Variants in RELB observed in about 807,000 individuals in gnomAD.
The protein encoded by RELB is transcription factor RelB.
RELB carries 14 observed loss-of-function variants against 55.4 expected under a neutral mutation model. That is an observed-to-expected ratio of 0.25 (90% CI 0.17 to 0.40). The LOEUF is 0.40. Among genes scored for constraint, RELB ranks in the 10% least tolerant of loss-of-function variants. The pLI is 1.00. For missense variants in RELB, 669 were observed against 830.7 expected (o/e 0.81, Z 2.39); for synonymous variants, 409 against 371.3 (o/e 1.10, Z -1.17).
intron 4 of RELB, among the ~76,000 whole-genome samples, chr19:45,021,523 GC>G (rs966674940): frequency 1.4e-5 from 2 of 147,334 alleles, no homozygotes. Flanking sequence ...ATTATATGAG[GC>G]CCCCCAGTTC....
intron 8 of RELB, among the ~76,000 whole-genome samples, chr19:45,032,009 G>A (rs1017012780): frequency 4.0e-5 from 6 of 151,634 alleles, no homozygotes; most frequent in South Asian, 2.1e-4. Context: ...AGGCCAAGGC[G>A]GGCAGATCAC....
chr19:45,005,204 C>T (rs1660109788), intron 2 of RELB, among the ~76,000 whole-genome samples: 1 of 151,960 alleles, frequency 6.6e-6, no homozygotes, highest in African/African-American at 2.4e-5. Context: ...TGTCAGGCCC[C>T]ACCTCTCGAG....
chr19:45,029,045 G>A (rs1971590985), intron 8 of RELB, 53 bp downstream of exon 8: 2 of 1,216,324 alleles, frequency 1.6e-6, no homozygotes, highest in Non-Finnish European at 2.4e-6. Flanking sequence ...GCAACTTGGA[G>A]GGGTAGCCAG....
chr19:45,009,126 G>T (rs966331694), intron 2 of RELB, among the ~76,000 whole-genome samples: 16 of 152,182 alleles, frequency 1.1e-4, no homozygotes, highest in South Asian at 2.1e-4. Context: ...TGTTGTCCAG[G>T]CTGGAGTGCA....
intron 5 of RELB, among the ~76,000 whole-genome samples, chr19:45,023,740 CTTTTTTTTTTTT>C (rs1168078618): frequency 1.0e-4 from 4 of 38,364 alleles, no homozygotes; most frequent in South Asian, 1.6e-3. Flanking sequence ...TGCCCAGCCT[CTTTTTTTTTTTT>C]TTTTTTTTTT....
intron 3 of RELB, 39 bp from the exon 4 acceptor site, chr19:45,011,897 A>G: frequency 3.1e-6 from 4 of 1,304,506 alleles, no homozygotes; most frequent in Middle Eastern, 2.7e-4. Flanking sequence ...TAATTTTTTA[A>G]AGAATGGGCG....
chr19:45,012,475 G>A (rs1835542987), intron 4 of RELB, among the ~76,000 whole-genome samples, 199 bp downstream of exon 4: 1 of 152,224 alleles, frequency 6.6e-6, no homozygotes, highest in African/African-American at 2.4e-5. Flanking sequence ...TGGGCACGGT[G>A]ACTCGCGCCT....
rs1238811297 is a variant in RELB at position 45,009,736 on chromosome 19, A to G, written c.155-78A>G. 3 of 1,520,902 alleles carry G rather than the reference A, an allele frequency of 2.0e-6. No individual in the cohort carries two copies. In the African/African-American group the frequency reaches 4.1e-5, roughly 21 times the overall value. 94.2% of individuals were successfully genotyped at this position (1,520,902 alleles called of 1,614,324 possible). ...GGTCACAGGAGGGACAGGGTTGGGGAATCTGTCTTAAAAGATGAAAAGTTG... is the reference window on the plus strand; with the variant it reads ...GGTCACAGGAGGGACAGGGTTGGGGGATCTGTCTTAAAAGATGAAAAGTTG... On this transcript the variant is annotated intron_variant, in intron 2 of 11. Coordinates refer to ENST00000221452, the MANE Select transcript of RELB (RefSeq NM_006509.4).
At position 45,037,854 on chromosome 19, in the gene RELB, C is replaced by T; in HGVS notation, c.*64C>T. 7.0e-7 allele frequency: 1 copy of T among 1,423,004 alleles called. No individual in the cohort carries two copies. The highest frequency in any genetic ancestry group is 9.2e-7 in the Non-Finnish European group (1 of 1,082,192). The allele number at this position is 1,423,004 out of a possible 1,614,324, so 88.1% of individuals were successfully genotyped here. On this transcript the variant is annotated 3_prime_UTR_variant, in exon 12 of 12. Transcript: ENST00000221452. ...AGGTGGAGGAGCCGTGCAATCCCAA[C>T]CAGGATGTCTAGCACCCCCATCCCC...
rs370272070 is a variant in RELB, at chr19:45,025,889, A to G, written c.886+152A>G. Among the ~76,000 whole-genome samples, 11 of 152,262 alleles carry G rather than the reference A, an allele frequency of 7.2e-5. No homozygotes were observed. The East Asian group carries it at 2.1e-3, about 29-fold the overall frequency. On this transcript the variant is annotated intron_variant, in intron 7 of 11. Transcript: ENST00000221452. The stretch of plus-strand genomic sequence containing the variant: ...CGAGGTGGGAGGATTGCTTGAGCCC[A>G]GGAGTTCAAGACCAGCCTGGGCAAC...
In RELB at chr19:45,025,747, G is replaced by C. The variant is rs1217531838; in HGVS notation, c.886+10G>C. 1 of 1,613,892 alleles carries C rather than the reference G, an allele frequency of 6.2e-7. No homozygotes were observed. Among genetic ancestry groups the C allele is most frequent in the Non-Finnish European group, 8.5e-7 (1 of 1,179,826 alleles). The stretch of plus-strand genomic sequence containing the variant: ...CCCGTCTATGACAAGAGTGAGTTGA[G>C]AGTGCTGTGGCCGTTAGGATTGCCC... On this transcript the variant is annotated intron_variant, in intron 7 of 11. Coordinates refer to ENST00000221452, the MANE Select transcript of RELB (RefSeq NM_006509.4).
chr19:45,024,597 T>C (rs1971535122), intron 5 of RELB, among the ~76,000 whole-genome samples: 1 of 152,134 alleles, frequency 6.6e-6, no homozygotes, highest in African/African-American at 2.4e-5. Flanking sequence ...GTCGCCAGGC[T>C]GAAGTGCAGT....
At chr19:45,017,354 C>T (rs996961226) in intron 4 of RELB, among the ~76,000 whole-genome samples, 4 of 147,044 alleles carry the variant, frequency 2.7e-5, no homozygotes, top group Non-Finnish European at 3.0e-5. Flanking sequence ...CTGGGGAGGC[C>T]GAGGTGGGCG....
At chr19:45,013,571 G>A (rs556324632) in intron 4 of RELB, among the ~76,000 whole-genome samples, 38 of 152,188 alleles carry the variant, frequency 2.5e-4, no homozygotes, top group African/African-American at 7.9e-4. Flanking sequence ...GGTGGCTCAT[G>A]CCTGTAATCC....
At chr19:45,022,343 C>G (rs1971500109) in intron 5 of RELB, 133 bp downstream of exon 5, 2 of 862,800 alleles carry the variant, frequency 2.3e-6, no homozygotes, top group East Asian at 5.2e-5. Context: ...AGGTGGGAGA[C>G]AGGCCTGGGG....
chr19:45,027,399 G>C (rs1265440464), intron 7 of RELB, among the ~76,000 whole-genome samples: 1 of 152,064 alleles, frequency 6.6e-6, no homozygotes, highest in African/African-American at 2.4e-5. Context: ...GTCTCTTTCT[G>C]TCTCTCAGCT....
At chr19:45,008,202 T>G (rs1249880648) in intron 2 of RELB, among the ~76,000 whole-genome samples, 3 of 151,546 alleles carry the variant, frequency 2.0e-5, no homozygotes, top group South Asian at 4.2e-4. Flanking sequence ...TAAAATAAAA[T>G]AAAATATTAA....
chr19:45,013,330 G>A (rs1316884643), intron 4 of RELB, among the ~76,000 whole-genome samples: 5 of 151,726 alleles, frequency 3.3e-5, no homozygotes, highest in African/African-American at 4.8e-5. Flanking sequence ...TAGTAGAGAA[G>A]GGGTTTTGCC....
At chr19:45,033,513 C>T (rs987799347) in intron 9 of RELB, among the ~76,000 whole-genome samples, 10 of 151,304 alleles carry the variant, frequency 6.6e-5, no homozygotes, top group Non-Finnish European at 8.8e-5. Context: ...GGCGAAACCC[C>T]GTCTCTACTA....
Sources: allele counts gnomAD v4.1 joint callset (sites outside exome capture counted in the v4.1 genomes callset), GRCh38; gene constraint gnomAD v4.1.1; transcripts MANE v1.5; gene names NCBI Gene and HGNC (gene_info 2026-07-23, HGNC 2026-07-21).